CMYA5: variants seen among roughly 807,000 people sequenced by gnomAD.
CMYA5 encodes the protein cardiomyopathy-associated protein 5.
Under a neutral mutation model 318.9 loss-of-function variants are expected in CMYA5, and 246 were observed. That is an observed-to-expected ratio of 0.77 (90% CI 0.70 to 0.86). CMYA5 has a LOEUF of 0.86. CMYA5 is among the 40% of genes least tolerant of loss of function. The pLI, the probability that CMYA5 is intolerant of heterozygous loss-of-function variation, is 0.00. For missense variants in CMYA5, 4,589 were observed against 4,678.2 expected, an observed-to-expected ratio of 0.98 and a Z score of 0.56; for synonymous variants, 1,641 against 1,729.5, an observed-to-expected ratio of 0.95 and a Z score of 1.27.
At chr5:79,723,421 AGAGT>A (rs1283548834) in intron 1 of CMYA5, among the ~76,000 whole-genome samples, 1 of 147,530 alleles carries the variant, frequency 6.8e-6, no homozygotes, top group African/African-American at 2.5e-5. Context: ...CCTGGGTGAC[AGAGT>A]GAGACTCCAT....
At chr5:79,772,724 CTT>C (rs899272427) in intron 9 of CMYA5, among the ~76,000 whole-genome samples, 1 of 152,138 alleles carries the variant, frequency 6.6e-6, no homozygotes, top group African/African-American at 2.4e-5. Context: ...ATTTTTATCT[CTT>C]TGGTTCTTTA....
In CMYA5 at chr5:79,732,202, T is replaced by A; in HGVS notation, c.3437T>A (p.Val1146Glu). Residue 1146 changes from valine to glutamate, a missense_variant, in exon 2 of 13, where the codon GTA becomes GAA. By Grantham distance (121) the Val-to-Glu change is moderately radical. Coordinates refer to ENST00000446378, the MANE Select transcript of CMYA5 (RefSeq NM_153610.5). ...EKGEREASSS[V>E]AAIPAALPAQ... The stretch of plus-strand genomic sequence containing the variant: ...GGAGAAAGGGAGGCAAGTTCATCAG[T>A]AGCTGCAATACCTGCTGCTTTACCT... 2 of 1,613,922 alleles carry A rather than the reference T, an allele frequency of 1.2e-6. No individual in the cohort carries two copies. The highest frequency in any genetic ancestry group is 1.7e-6 in the Non-Finnish European group (2 of 1,179,864).
In CMYA5 at chr5:79,749,751, CATAAAG is replaced by C. The variant is rs375919146; in HGVS notation, c.10991+2642_10991+2647del. Among the ~76,000 whole-genome samples, 335 of 152,264 alleles carry C rather than the reference CATAAAG, an allele frequency of 2.2e-3. 1 individual carries two copies. Among genetic ancestry groups the C allele is most frequent in the African/African-American group, 7.9e-3 (327 of 41,572 alleles). ...TGCAGTTGGGAGAAATGTAAACAAA[CATAAAG>C]ATACAGTACTAAATCATAACTGCAT... On this transcript the variant is annotated intron_variant, in intron 5 of 12. Coordinates refer to ENST00000446378, the MANE Select transcript of CMYA5 (RefSeq NM_153610.5).
At position 79,729,783 on chromosome 5, in the gene CMYA5, C is replaced by T. The variant is rs1413608737; in HGVS notation, c.1018C>T (p.His340Tyr). The change falls in exon 2 of 13, where the codon CAC (histidine) becomes TAC (tyrosine). Residue 340 changes from histidine to tyrosine, a missense_variant. By Grantham distance (83) the His-to-Tyr change is moderately conservative (BLOSUM62 2). Transcript: ENST00000446378. Reference sequence around the variant, plus strand: ...CCTAAATGCCACATCTGCATTGGAGCACACAGTTCCCTCTTATTCAAGTAG... The same window carrying T: ...CCTAAATGCCACATCTGCATTGGAGTACACAGTTCCCTCTTATTCAAGTAG... ...SPLNATSALEHTVPSYSSSGR... is the reference protein window; with the variant it reads ...SPLNATSALEYTVPSYSSSGR... 6 of 1,613,622 alleles carry T rather than the reference C, an allele frequency of 3.7e-6. No homozygotes were observed. The highest frequency in any genetic ancestry group is 5.1e-6 in the Non-Finnish European group (6 of 1,179,720).
rs572985010 is a variant in CMYA5 at position 79,751,104 on chromosome 5, T to G, written c.10992-1572T>G. 2.6e-5 allele frequency among the ~76,000 whole-genome samples: 4 copies of G among 152,216 alleles called. No homozygotes were observed. In the East Asian group the frequency reaches 7.7e-4, roughly 29 times the overall value. On this transcript the variant is annotated intron_variant, in intron 5 of 12. Coordinates refer to ENST00000446378, the MANE Select transcript of CMYA5 (RefSeq NM_153610.5). ...CCCACCTGACCTCAGACCTCCCTCC[T>G]CTGCTTACCCTGATCCTTCCTTAGA... is the stretch of plus-strand genomic sequence containing the variant.
chr5:79,703,904 C>T (rs1398372931), intron 1 of CMYA5, among the ~76,000 whole-genome samples: 2 of 152,124 alleles, frequency 1.3e-5, no homozygotes, highest in Non-Finnish European at 2.9e-5. Context: ...CAGCCTTGTC[C>T]ACATAGGGAG....
At chr5:79,793,082 C>T (rs1189334387) in intron 11 of CMYA5, among the ~76,000 whole-genome samples, 3 of 152,156 alleles carry the variant, frequency 2.0e-5, no homozygotes, top group African/African-American at 7.2e-5. Context: ...TACCTGCTTC[C>T]CTTGTATTTA....
rs754159661 is a variant in CMYA5, at chr5:79,733,009, A to C, written c.4244A>C (p.Glu1415Ala). ...TSADEHSVLA[E>A]EDKVAIKGAS... ...GCAGATGAACATTCAGTTCTTGCAG[A>C]AGAAGACAAGGTGGCAATTAAAGGT... Residue 1415 changes from glutamate to alanine, a missense_variant, in exon 2 of 13, where the codon GAA becomes GCA. Transcript: ENST00000446378. The C allele has an allele frequency of 6.2e-7, 1 of 1,613,420 alleles. No homozygotes were observed. The highest frequency in any genetic ancestry group is 1.1e-5 in the South Asian group (1 of 90,994).
intron 1 of CMYA5, among the ~76,000 whole-genome samples, chr5:79,725,179 A>G (rs1278271190): frequency 1.3e-5 from 2 of 152,230 alleles, no homozygotes; most frequent in Non-Finnish European, 2.9e-5. Flanking sequence ...TGTTCATTGC[A>G]GCACTTCACA....
rs1323049181 is a variant in CMYA5 at position 79,739,173 on chromosome 5, G to T, written c.10408G>T (p.Ala3470Ser). 1 of 1,613,556 alleles carries T rather than the reference G, an allele frequency of 6.2e-7. No homozygotes were observed. The highest frequency in any genetic ancestry group is 1.3e-5 in the African/African-American group (1 of 75,016). Residue 3470 changes from alanine to serine, a missense_variant, in exon 2 of 13, where the codon GCA becomes TCA. Physicochemically the swap from Ala to Ser is moderately conservative, Grantham distance 99. Coordinates refer to ENST00000446378, the MANE Select transcript of CMYA5 (RefSeq NM_153610.5). The part of the protein sequence containing the change: ...HISENEFASE[A>S]EQSTPAEQKE... ...CAGTGAAAATGAATTTGCGAGTGAG[G>T]CAGAACAAAGTACACCTGCTGAACA... is the stretch of plus-strand genomic sequence containing the variant.
At chr5:79,778,818 T>TGTGTGTGTGTGTATGTGTATGTGA (rs1828994918) in intron 9 of CMYA5, among the ~76,000 whole-genome samples, 1 of 115,432 alleles carries the variant, frequency 8.7e-6, no homozygotes, top group African/African-American at 4.0e-5. Flanking sequence ...TTTCTGTGTG[T>TGTGTGTGTGTGTATGTGTATGTGA]GTGTGTGTGT....
chr5:79,735,653 C>A lies in CMYA5; in HGVS notation c.6888C>A (p.Gly2296=), dbSNP rs183961270. 1 of 1,613,110 alleles carries A rather than the reference C, an allele frequency of 6.2e-7. No homozygotes were observed. ...REDYGKKEIS[G]DSEEMNINSV... Reference sequence around the variant, plus strand: ...ATTATGGAAAAAAAGAAATCTCAGGCGATTCAGAGGAAATGAACATAAACT... The same window carrying A: ...ATTATGGAAAAAAAGAAATCTCAGGAGATTCAGAGGAAATGAACATAAACT... The change falls in exon 2 of 13, where the codon GGC becomes GGA. Residue 2296 remains glycine (G), a synonymous_variant. Coordinates refer to ENST00000446378, the MANE Select transcript of CMYA5 (RefSeq NM_153610.5).
chr5:79,694,844 G>A (rs11960421), intron 1 of CMYA5, among the ~76,000 whole-genome samples: 23,534 of 152,100 alleles, frequency 0.15, 1,872 homozygotes, highest in African/African-American at 0.19. Flanking sequence ...AGTGGAAAGA[G>A]CTCAGAATGG....
intron 9 of CMYA5, among the ~76,000 whole-genome samples, chr5:79,774,688 T>C (rs777975655): frequency 3.3e-5 from 5 of 151,874 alleles, no homozygotes; most frequent in Non-Finnish European, 5.9e-5. Flanking sequence ...TTCCAGGGAG[T>C]TGGGCTCAGG....
rs200970505 is a variant in CMYA5, at chr5:79,745,418, G to A, written c.10931G>A (p.Arg3644Lys). The A allele has an allele frequency of 6.2e-7, 1 of 1,614,030 alleles. No homozygotes were observed. The highest frequency in any genetic ancestry group is 1.3e-5 in the African/African-American group (1 of 75,064). ...TAKDTLETIV[R>K]EAEELDEAVF... ...AAAGACACCCTGGAGACCATCGTGA[G>A]AGAAGCAGAGGAGCTTGATGAGGCC... Residue 3644 changes from arginine to lysine, a missense_variant, in exon 4 of 13, where the codon AGA becomes AAA. Coordinates refer to ENST00000446378, the MANE Select transcript of CMYA5 (RefSeq NM_153610.5).
In CMYA5 at chr5:79,791,140, GTGGCCTCCGCTGAGCATATTCA is replaced by G. The variant is rs1580809246; in HGVS notation, c.11789+75_11789+96del. The G allele has an allele frequency of 7.7e-6, 8 of 1,040,588 alleles. 1 individual carries two copies. In the East Asian group the frequency reaches 2.0e-4, roughly 26 times the overall value. The allele number at this position is 1,040,588 out of a possible 1,614,324, so 64.5% of individuals were successfully genotyped here. A position where few individuals can be genotyped will look rare whatever the true frequency, so the allele number is the denominator to read the frequency against. On this transcript the variant is annotated intron_variant, in intron 11 of 12. Transcript: ENST00000446378. ...GGGTCTTAGGGTGTGTCGCCTCAGG[GTGGCCTCCGCTGAGCATATTCA>G]TGGTGCAGTGAACATGTCGGGATGT...
intron 9 of CMYA5, among the ~76,000 whole-genome samples, chr5:79,776,573 T>C (rs1828942837): frequency 6.6e-6 from 1 of 152,130 alleles, no homozygotes; most frequent in South Asian, 2.1e-4. Context: ...ACCGGGATGC[T>C]TACTAAACAC....
chr5:79,713,493 C>G (rs1376966851), intron 1 of CMYA5, among the ~76,000 whole-genome samples: 1 of 151,968 alleles, frequency 6.6e-6, no homozygotes, highest in Non-Finnish European at 1.5e-5. Context: ...CCTGGCGTCT[C>G]TTTGTCCTTA....
At chr5:79,777,346 C>A (rs1345535619) in intron 9 of CMYA5, among the ~76,000 whole-genome samples, 1 of 152,154 alleles carries the variant, frequency 6.6e-6, no homozygotes, top group African/African-American at 2.4e-5. Context: ...ATAGTCTGTG[C>A]ACATACAAAC....
Sources: gnomAD v4.1 joint callset for allele counts (sites outside exome capture counted in the v4.1 genomes callset) on GRCh38, gnomAD v4.1.1 for gene constraint, MANE v1.5 for transcripts, NCBI Gene and HGNC (gene_info 2026-07-23, HGNC 2026-07-21) for gene names.